Variants in NKD2 observed in about 807,000 individuals in gnomAD.
NKD2 encodes the protein protein naked cuticle homolog 2.
Under a neutral mutation model 34.8 loss-of-function variants are expected in NKD2, and 43 were observed. That is an observed-to-expected ratio of 1.24 (90% CI 0.97 to 1.60). The LOEUF (loss-of-function observed/expected upper bound fraction) is 1.60. NKD2 is among the 40% of genes most tolerant of loss of function. NKD2 has a pLI of 0.00. For synonymous variants in NKD2, 278 were observed against 265.1 expected, an observed-to-expected ratio of 1.05 and a Z score of -0.47; for missense variants, 675 against 627.1, an observed-to-expected ratio of 1.08 and a Z score of -0.82.
chr5:1,031,940 C>G (rs1756659631), intron 3 of NKD2, among the ~76,000 whole-genome samples: 1 of 152,222 alleles, frequency 6.6e-6, no homozygotes, highest in African/African-American at 2.4e-5. Flanking sequence ...TTTGGGGAAC[C>G]TGACAACACA....
chr5:1,037,899 A>G lies in NKD2; in HGVS notation c.882A>G (p.Val294=). The change falls in exon 10 of 10, where the codon GTA becomes GTG. Residue 294 remains valine (V), a synonymous_variant. Transcript: ENST00000296849. ...CCCAGGAGCCAGATACACATGCCGT[A>G]CACCACCGCAGGTCACAGGTGCTGG... is the stretch of plus-strand genomic sequence containing the variant. ...SRSQEPDTHA[V]HHRRSQVLVE... is the part of the protein sequence containing the mutation. 1 of 1,606,570 alleles carries G rather than the reference A, an allele frequency of 6.2e-7. No individual in the cohort carries two copies. Among genetic ancestry groups the G allele is most frequent in the Non-Finnish European group, 8.5e-7 (1 of 1,179,512 alleles).
intron 9 of NKD2, among the ~76,000 whole-genome samples, chr5:1,037,178 C>A (rs910297446): frequency 6.6e-6 from 1 of 152,152 alleles, no homozygotes; most frequent in Non-Finnish European, 1.5e-5. Context: ...ACTAGCAGCA[C>A]CCCTATGTGG....
At chr5:1,016,602 A>G (rs1002749753) in intron 3 of NKD2, among the ~76,000 whole-genome samples, 2 of 152,268 alleles carry the variant, frequency 1.3e-5, no homozygotes, top group Admixed American at 6.5e-5. Flanking sequence ...GAGCCTTGCC[A>G]GAGGCCGATG....
chr5:1,035,570 C>A, intron 8 of NKD2, 97 bp downstream of exon 8: 1 of 965,636 alleles, frequency 1.0e-6, no homozygotes, highest in Non-Finnish European at 1.6e-6. Flanking sequence ...GGCCACACAC[C>A]ATCCTCTAGG....
At chr5:1,027,442 C>A (rs956628342) in intron 3 of NKD2, among the ~76,000 whole-genome samples, 2 of 152,186 alleles carry the variant, frequency 1.3e-5, no homozygotes, top group Admixed American at 6.5e-5. Flanking sequence ...AAATGCTGCC[C>A]GACACGCCCA....
chr5:1,010,515 G>A (rs925896034), intron 3 of NKD2, among the ~76,000 whole-genome samples: 3 of 152,188 alleles, frequency 2.0e-5, no homozygotes, highest in African/African-American at 4.8e-5. Flanking sequence ...AGGGGCTTAG[G>A]TCTGCTTGGA....
Position 1,038,357 on chromosome 5 carries a change from A to T in NKD2, c.1340A>T (p.His447Leu). Residue 447 changes from histidine to leucine, a missense_variant, in exon 10 of 10, where the codon CAC (histidine) becomes CTC (leucine). His to Leu is a moderately conservative substitution (Grantham distance 99, BLOSUM62 -3). Coordinates refer to ENST00000296849, the MANE Select transcript of NKD2 (RefSeq NM_033120.4). The surrounding 1 kb of genome is among the most constrained non-coding windows in gnomAD (Gnocchi z 4.5). ...CACCACCACCACCACCACCACCACC[A>T]CTTCCACCCGTCCTAGCGCCACTGC... is the stretch of plus-strand genomic sequence containing the variant. ...HEHHHHHHHHHFHPS is the reference protein window; with the variant it reads ...HEHHHHHHHHLFHPS 6.5e-7 allele frequency: 1 copy of T among 1,535,208 alleles called. No individual in the cohort carries two copies. Among genetic ancestry groups the T allele is most frequent in the Non-Finnish European group, 8.7e-7 (1 of 1,146,904 alleles).
Position 1,038,851 on chromosome 5 carries a change from TG to T in NKD2, c.*484del. Reference sequence around the variant, plus strand: ...ATGAAGTGAGAGGGGACAGGGCCGGTGGGGGGAAGCAGCTTGTGCTTAGCAG... The same window carrying T: ...ATGAAGTGAGAGGGGACAGGGCCGGTGGGGGAAGCAGCTTGTGCTTAGCAG... On this transcript the variant is annotated 3_prime_UTR_variant, in exon 10 of 10. Coordinates refer to ENST00000296849, the MANE Select transcript of NKD2 (RefSeq NM_033120.4). This position sits in a 1 kb window ranked among gnomAD's most constrained non-coding sequence, Gnocchi z 4.5. 3.4e-6 allele frequency: 1 copy of T among 292,840 alleles called. No individual in the cohort carries two copies. The highest frequency in any genetic ancestry group is 6.6e-6 in the Non-Finnish European group (1 of 150,636). The allele number at this position is 292,840 out of a possible 1,614,324, so 18.1% of individuals were successfully genotyped here.
In NKD2 at chr5:1,009,689, C is replaced by CG. The variant is rs59466728; in HGVS notation, c.141+134dup. The CG allele has an allele frequency of 0.092, 66,260 of 721,332 alleles. 3,878 individuals carry two copies. Among genetic ancestry groups the CG allele is most frequent in the East Asian group, 0.19 (5,584 of 28,760 alleles). 44.7% of individuals were successfully genotyped at this position (721,332 alleles called of 1,614,324 possible). The stretch of plus-strand genomic sequence containing the variant: ...GGGCCGCCATGGCCGCACGAGTGAC[C>CG]GGGGGCCAGGAGAGCCAGTCTCTCC... On this transcript the variant is annotated intron_variant, in intron 3 of 9. Transcript: ENST00000296849. The surrounding 1 kb of genome is among the most constrained non-coding windows in gnomAD (Gnocchi z 6.9).
intron 3 of NKD2, among the ~76,000 whole-genome samples, chr5:1,027,240 C>T (rs866618386): frequency 6.6e-6 from 1 of 152,240 alleles, no homozygotes; most frequent in Non-Finnish European, 1.5e-5. Context: ...GTGGCCAAGG[C>T]GCTGGGGAGC....
intron 9 of NKD2, chr5:1,037,422 C>A: frequency 8.8e-7 from 1 of 1,130,582 alleles, no homozygotes; most frequent in Non-Finnish European, 1.3e-6. Context: ...GTCCTGAGTC[C>A]TTCTCAAATC....
chr5:1,038,276 G>A lies in NKD2; in HGVS notation c.1259G>A (p.Gly420Glu). ...CGGGACCTGCCGCCCACGCCAGCAG[G>A]AGAGGGCTACGCGGTGCCAGTGATC... The part of the protein sequence containing the change: ...VVRDLPPTPA[G>E]EGYAVPVIQR... The change falls in exon 10 of 10, where the codon GGA (glycine) becomes GAA (glutamate). Residue 420 changes from glycine (G) to glutamate (E), a missense_variant. Physicochemically the swap from Gly to Glu is moderately conservative, Grantham distance 98. Coordinates refer to ENST00000296849, the MANE Select transcript of NKD2 (RefSeq NM_033120.4). This position sits in a 1 kb window ranked among gnomAD's most constrained non-coding sequence, Gnocchi z 4.5. 6.4e-7 allele frequency: 1 copy of A among 1,570,540 alleles called. No individual in the cohort carries two copies. The highest frequency in any genetic ancestry group is 8.6e-7 in the Non-Finnish European group (1 of 1,163,166).
chr5:1,021,780 A>G (rs546368167), intron 3 of NKD2, among the ~76,000 whole-genome samples: 2 of 152,144 alleles, frequency 1.3e-5, no homozygotes, highest in Admixed American at 1.3e-4. Context: ...CGCCGGTGGC[A>G]GGTTCCCCCC....
chr5:1,029,419 T>A (rs1756550743), intron 3 of NKD2, among the ~76,000 whole-genome samples: 1 of 152,174 alleles, frequency 6.6e-6, no homozygotes, highest in South Asian at 2.1e-4. Flanking sequence ...TATTGTAGCT[T>A]GGCTGGTTGG....
chr5:1,029,791 A>T (rs1323172197), intron 3 of NKD2, among the ~76,000 whole-genome samples: 1 of 152,208 alleles, frequency 6.6e-6, no homozygotes, highest in Non-Finnish European at 1.5e-5. Flanking sequence ...CTTTCCAGGA[A>T]GCCACTGCTG....
intron 3 of NKD2, among the ~76,000 whole-genome samples, chr5:1,028,325 G>A (rs987563007): frequency 6.6e-5 from 10 of 152,296 alleles, no homozygotes; most frequent in East Asian, 3.9e-4. Flanking sequence ...TGTTGACGCC[G>A]TGTGACAGAC....
chr5:1,036,492 G>GCCCCCCCCC, intron 9 of NKD2, 108 bp downstream of exon 9: 4 of 411,714 alleles, frequency 9.7e-6, no homozygotes, highest in South Asian at 5.4e-5. Context: ...GCCCTGCCCC[G>GCCCCCCCCC]CCCCCCCCCA....
At chr5:1,032,098 C>T in intron 3 of NKD2, 54 bp from the exon 4 acceptor site, 1 of 1,440,948 alleles carries the variant, frequency 6.9e-7, no homozygotes, top group Non-Finnish European at 9.8e-7. Context: ...CTGCCCATCT[C>T]CCCCGCCTGC....
At chr5:1,029,357 C>A (rs1756548973) in intron 3 of NKD2, among the ~76,000 whole-genome samples, 1 of 152,172 alleles carries the variant, frequency 6.6e-6, no homozygotes, top group East Asian at 1.9e-4. Context: ...CTGGTTGGTG[C>A]AGCGTTGGCT....
Sources: gnomAD v4.1 joint callset for allele counts (sites outside exome capture counted in the v4.1 genomes callset) on GRCh38, gnomAD v4.1.1 for gene constraint, Gnocchi (gnomAD v3.1) non-coding constraint, MANE v1.5 for transcripts, NCBI Gene and HGNC (gene_info 2026-07-23, HGNC 2026-07-21) for gene names.